Variants in FILIP1L observed in about 807,000 individuals in gnomAD.
FILIP1L encodes filamin A interacting protein 1 like.
A neutral mutation model predicts 96.6 loss-of-function variants in FILIP1L; 55 were observed. That is an observed-to-expected ratio of 0.57 (90% CI 0.46 to 0.71). The LOEUF is 0.71. Among genes scored for constraint, FILIP1L ranks in the 30% least tolerant of loss-of-function variants. The pLI is 0.00. For synonymous variants in FILIP1L, 467 were observed against 473.9 expected, an observed-to-expected ratio of 0.99 and a Z score of 0.19; for missense variants, 1,304 against 1,321.2, an observed-to-expected ratio of 0.99 and a Z score of 0.20.
chr3:100,109,919 A>T (rs1404418795), intron 1 of FILIP1L: 2 of 33,870 alleles, frequency 5.9e-5, no homozygotes. Context: ...CCCCCCCAGC[A>T]CCACCCCCCA....
At chr3:99,847,868 T>A (rs1210838775) in intron 5 of FILIP1L, 14 of 862,376 alleles carry the variant, frequency 1.6e-5, no homozygotes, top group Non-Finnish European at 2.0e-5. Flanking sequence ...AAGACAAAAT[T>A]CTATTGTACA....
At chr3:100,001,665 C>G (rs1228064323) in intron 1 of FILIP1L, among the ~76,000 whole-genome samples, 3 of 152,250 alleles carry the variant, frequency 2.0e-5, no homozygotes, top group South Asian at 2.1e-4. Context: ...CACATCTTCT[C>G]CCTTTCTCTT....
chr3:99,982,344 AC>A (rs1180455762), intron 1 of FILIP1L, among the ~76,000 whole-genome samples: 8 of 149,848 alleles, frequency 5.3e-5, no homozygotes, highest in Non-Finnish European at 1.2e-4. Context: ...GTAATTTTTT[AC>A]TTTTTTTTTT....
rs371740660 is a variant in FILIP1L, at chr3:99,971,148, T to C, written c.-10-40118A>G. Among the ~76,000 whole-genome samples the C allele has an allele frequency of 5.1e-4, 77 of 152,144 alleles. 1 individual carries two copies. In the East Asian group the frequency reaches 8.0e-3, roughly 16 times the overall value. Reference sequence around the variant, plus strand: ...GTCAGGAGATCGAGACCATCCTGGCTAACATGGTGAAACCCCGTCTCTACT... The same window carrying C: ...GTCAGGAGATCGAGACCATCCTGGCCAACATGGTGAAACCCCGTCTCTACT... On this transcript the variant is annotated intron_variant, in intron 1 of 5. Coordinates refer to ENST00000477258, the MANE Select transcript of FILIP1L (RefSeq NM_001387850.1).
At chr3:99,978,886 C>CAA (rs200216895) in intron 1 of FILIP1L, among the ~76,000 whole-genome samples, 1 of 140,814 alleles carries the variant, frequency 7.1e-6, no homozygotes, top group African/African-American at 2.6e-5. Context: ...CTCTTGTTTA[C>CAA]AAAAAAAAAA....
chr3:100,088,654 T>TTC (rs2066053230), intron 1 of FILIP1L, among the ~76,000 whole-genome samples: 1 of 152,122 alleles, frequency 6.6e-6, no homozygotes, highest in Admixed American at 6.5e-5. Context: ...CTCTGCAGTT[T>TTC]TCTCTCTCTT....
At chr3:99,892,442 A>G (rs1279965773) in intron 4 of FILIP1L, among the ~76,000 whole-genome samples, 1 of 152,184 alleles carries the variant, frequency 6.6e-6, no homozygotes, top group Admixed American at 6.5e-5. Context: ...CTGAACTCCC[A>G]TTGGCTCAAA....
intron 1 of FILIP1L, among the ~76,000 whole-genome samples, chr3:99,997,694 T>C (rs934338914): frequency 3.9e-5 from 6 of 152,198 alleles, no homozygotes; most frequent in Admixed American, 3.9e-4. Flanking sequence ...AAGTGAATAA[T>C]AGAGCAGATT....
chr3:100,108,098 T>A (rs1387647), intron 1 of FILIP1L, among the ~76,000 whole-genome samples: 1 of 151,762 alleles, frequency 6.6e-6, no homozygotes, highest in Non-Finnish European at 1.5e-5. Flanking sequence ...TAACTTAGGG[T>A]CCCAAAGAAA....
At chr3:99,967,487 G>C (rs913086411) in intron 1 of FILIP1L, among the ~76,000 whole-genome samples, 42 of 152,136 alleles carry the variant, frequency 2.8e-4, no homozygotes, top group African/African-American at 9.9e-4. Flanking sequence ...TGATCCAGTG[G>C]GTCAACTGAA....
At chr3:100,015,949 C>G (rs1710326335) in intron 1 of FILIP1L, among the ~76,000 whole-genome samples, 1 of 152,140 alleles carries the variant, frequency 6.6e-6, no homozygotes, top group African/African-American at 2.4e-5. Context: ...ATCAAATTCA[C>G]AAAAAGACAG....
At chr3:100,081,248 T>C (rs1559751074) in intron 1 of FILIP1L, among the ~76,000 whole-genome samples, 1 of 152,202 alleles carries the variant, frequency 6.6e-6, no homozygotes, top group Non-Finnish European at 1.5e-5. Flanking sequence ...AGATAAATCA[T>C]CTTTTATCTC....
intron 1 of FILIP1L, among the ~76,000 whole-genome samples, chr3:99,960,807 A>G (rs147192916): frequency 6.6e-6 from 1 of 152,290 alleles, no homozygotes; most frequent in Non-Finnish European, 1.5e-5. Context: ...CTGTTAATTT[A>G]TGTGCCCTTG....
Position 100,072,975 on chromosome 3 carries a change from G to C in FILIP1L, c.-11+41078C>G, listed in dbSNP as rs931711751. On this transcript the variant is annotated intron_variant, in intron 1 of 5. Coordinates refer to ENST00000477258, the MANE Select transcript of FILIP1L (RefSeq NM_001387850.1). ...AATGATGATAGCATATGTTTGAAGA[G>C]CACTTTTTAAAGTTTTTTTTTACAT... 3.3e-5 allele frequency among the ~76,000 whole-genome samples: 5 copies of C among 152,268 alleles called. No individual in the cohort carries two copies. The East Asian group carries it at 7.7e-4, about 23-fold the overall frequency.
At chr3:100,082,596 T>C (rs1270011256) in intron 1 of FILIP1L, among the ~76,000 whole-genome samples, 1 of 152,220 alleles carries the variant, frequency 6.6e-6, no homozygotes, top group Admixed American at 6.5e-5. Flanking sequence ...TTCATATTTC[T>C]GGTCAGAAGA....
At chr3:100,103,549 G>T (rs1200297496) in intron 1 of FILIP1L, among the ~76,000 whole-genome samples, 1 of 152,200 alleles carries the variant, frequency 6.6e-6, no homozygotes, top group Non-Finnish European at 1.5e-5. Flanking sequence ...CAAGTTGGAA[G>T]CACGGATTGG....
intron 1 of FILIP1L, among the ~76,000 whole-genome samples, chr3:100,003,296 A>G (rs1202772925): frequency 2.6e-5 from 4 of 152,188 alleles, no homozygotes; most frequent in African/African-American, 9.7e-5. Context: ...AACCAGCTTG[A>G]TTTCTGTCTC....
intron 1 of FILIP1L, among the ~76,000 whole-genome samples, chr3:100,019,013 A>C (rs1328408624): frequency 1.3e-5 from 2 of 152,226 alleles, no homozygotes; most frequent in African/African-American, 4.8e-5. Flanking sequence ...CACAGCTGTT[A>C]GAATGACTGT....
At chr3:100,012,864 C>CAGT (rs1710201328) in intron 1 of FILIP1L, among the ~76,000 whole-genome samples, 1 of 151,342 alleles carries the variant, frequency 6.6e-6, no homozygotes, top group Non-Finnish European at 1.5e-5. Context: ...GCTTCCACCT[C>CAGT]CCAGGCTCAA....
Sources: gnomAD v4.1 joint callset for allele counts (sites outside exome capture counted in the v4.1 genomes callset) on GRCh38, gnomAD v4.1.1 for gene constraint, MANE v1.5 for transcripts, NCBI Gene and HGNC (gene_info 2026-07-23, HGNC 2026-07-21) for gene names.